The following DMD variants were observed in gnomAD, a reference collection of about 807,000 sequenced individuals.
DMD encodes mutant dystrophin.
A neutral mutation model predicts 330.1 loss-of-function variants in DMD; 63 were observed. That is an observed-to-expected ratio of 0.19 (90% CI 0.16 to 0.24). The LOEUF is 0.24. Among genes scored for constraint, DMD ranks in the 10% least tolerant of loss-of-function variants. The pLI is 1.00. For synonymous variants in DMD, 1,223 were observed against 959.8 expected (o/e 1.27, Z -5.07); for missense variants, 3,344 against 2,684.1 (o/e 1.25, Z -5.43).
intron 1 of DMD, among the ~76,000 whole-genome samples, chrX:33,109,716 C>T (rs2095324636): frequency 9.0e-6 from 1 of 111,678 alleles, no homozygotes; most frequent in Admixed American, 9.5e-5. Context: ...AAAAGATTTA[C>T]GGTTTTTTTT....
At chrX:32,007,132 A>G (rs1322048004) in intron 44 of DMD, among the ~76,000 whole-genome samples, 3 of 103,244 alleles carry the variant, frequency 2.9e-5, no homozygotes, top group Non-Finnish European at 3.9e-5. Flanking sequence ...TGATGAGCTA[A>G]TGGGTGCAGC....
Position 33,064,116 on chromosome X carries a change from C to T in DMD, c.32-43916G>A, listed in dbSNP as rs148980238. On this transcript the variant is annotated intron_variant, in intron 1 of 78. Transcript: ENST00000357033. ...TATATGCACATATATACTTCAAACTCATTTTGATAGGGCACAGTAGTGATT... is the reference window on the plus strand; with the variant it reads ...TATATGCACATATATACTTCAAACTTATTTTGATAGGGCACAGTAGTGATT... Among the ~76,000 whole-genome samples, 707 of 110,968 alleles carry T rather than the reference C, an allele frequency of 6.4e-3. 8 individuals are homozygous for T. Among genetic ancestry groups the T allele is most frequent in the African/African-American group, 0.022 (674 of 30,519 alleles).
chrX:32,298,514 C>CATATATATATATATATATATATAT (rs57786574), intron 42 of DMD, among the ~76,000 whole-genome samples: 19 of 104,495 alleles, frequency 1.8e-4, no homozygotes, highest in African/African-American at 7.3e-4. Context: ...ATATAAAAGG[C>CATATATATATATATATATATATAT]ATATATATAT....
rs1418429128 is a variant in DMD at position 32,452,395 on chromosome X, G to GAAAGGGA, written c.3603+2266_3603+2267insTCCCTTT. The stretch of plus-strand genomic sequence containing the variant: ...GGAAAGGGAAAGGGAAAGGGAAAGG[G>GAAAGGGA]AAGGGAAAGGAAAGGGAAAGGGAAA... On this transcript the variant is annotated intron_variant, in intron 26 of 78. Coordinates refer to ENST00000357033, the MANE Select transcript of DMD (RefSeq NM_004006.3). Among the ~76,000 whole-genome samples, 5 of 10,566 alleles carry GAAAGGGA rather than the reference G, an allele frequency of 4.7e-4. 1 individual carries two copies. Among genetic ancestry groups the GAAAGGGA allele is most frequent in the Non-Finnish European group, 9.2e-4 (5 of 5,460 alleles). The allele number at this position is 10,566 out of a possible 115,157, so 9.2% of individuals were successfully genotyped here.
chrX:32,133,791 T>C (rs1353054141), intron 44 of DMD, among the ~76,000 whole-genome samples: 1 of 111,370 alleles, frequency 9.0e-6, no homozygotes, highest in Non-Finnish European at 1.9e-5. Flanking sequence ...CAGCATCATC[T>C]TCTCACACTT....
chrX:31,763,826 T>A (rs890347156), intron 51 of DMD, among the ~76,000 whole-genome samples: 1 of 111,447 alleles, frequency 9.0e-6, no homozygotes, highest in African/African-American at 3.2e-5. Flanking sequence ...AGTTTCCAAA[T>A]GTTAAAATAA....
chrX:31,984,307 C>A (rs1406994064), intron 44 of DMD, among the ~76,000 whole-genome samples: 1 of 111,973 alleles, frequency 8.9e-6, no homozygotes, highest in Non-Finnish European at 1.9e-5. Flanking sequence ...AACAGCATCC[C>A]TAGATTAGAT....
rs549941705 is a variant in DMD at position 33,008,560 on chromosome X, T to C, written c.93+11579A>G. On this transcript the variant is annotated intron_variant, in intron 2 of 78. Transcript: ENST00000357033. ...TAGGTCAATTGGAAATGTTTTATTC[T>C]TAAGAAAAATATATAGTAGCCCATG... is the stretch of plus-strand genomic sequence containing the variant. Among the ~76,000 whole-genome samples the C allele has an allele frequency of 3.6e-5, 4 of 110,122 alleles. No individual in the cohort carries two copies. The South Asian group carries it at 1.5e-3, about 42-fold the overall frequency.
chrX:32,089,896 G>A (rs979841682), intron 44 of DMD, among the ~76,000 whole-genome samples: 13 of 111,473 alleles, frequency 1.2e-4, no homozygotes, highest in South Asian at 3.7e-4. Context: ...ACTAATTTAC[G>A]TTCCCACCAG....
chrX:32,819,357 G>A (rs910866844), intron 5 of DMD, among the ~76,000 whole-genome samples: 1 of 110,691 alleles, frequency 9.0e-6, no homozygotes, highest in Non-Finnish European at 1.9e-5. Flanking sequence ...CCCTTGAATT[G>A]TCCAGTAAAA....
At chrX:31,887,289 C>A (rs758286375) in intron 47 of DMD, among the ~76,000 whole-genome samples, 3 of 112,075 alleles carry the variant, frequency 2.7e-5, no homozygotes, top group South Asian at 7.3e-4. Flanking sequence ...GATGATAGAG[C>A]CCTATTTTCC....
intron 47 of DMD, among the ~76,000 whole-genome samples, chrX:31,915,986 G>T (rs1050070537): frequency 2.7e-5 from 3 of 111,853 alleles, no homozygotes; most frequent in African/African-American, 9.8e-5. Flanking sequence ...CTTGTGATTT[G>T]CTTTGGTTAA....
Position 31,210,255 on chromosome X carries a change from C to G in DMD, c.9362-556G>C, listed in dbSNP as rs373593101. Among the ~76,000 whole-genome samples the G allele has an allele frequency of 5.6e-4, 63 of 111,789 alleles. 2 individuals carry two copies. In the South Asian group the frequency reaches 0.023, roughly 40 times the overall value. ...CCTAATATTAGGTGAAAAAAATACTCTCCACTAAAATTTTCTATAGGCAAA... is the reference window on the plus strand; with the variant it reads ...CCTAATATTAGGTGAAAAAAATACTGTCCACTAAAATTTTCTATAGGCAAA... On this transcript the variant is annotated intron_variant, in intron 64 of 78. Coordinates refer to ENST00000357033, the MANE Select transcript of DMD (RefSeq NM_004006.3).
chrX:32,394,862 A>C (rs1475285483), intron 30 of DMD, among the ~76,000 whole-genome samples: 2 of 104,755 alleles, frequency 1.9e-5, no homozygotes, highest in Non-Finnish European at 3.9e-5. Context: ...GTATACACAT[A>C]GTCCTTTAAC....
At chrX:32,388,950 T>C (rs775775808) in intron 32 of DMD, among the ~76,000 whole-genome samples, 8 of 111,183 alleles carry the variant, frequency 7.2e-5, no homozygotes, top group Non-Finnish European at 1.5e-4. Flanking sequence ...TCCATGCCTT[T>C]TAATTCGGTG....
At chrX:32,397,649 G>T (rs187677204) in intron 30 of DMD, among the ~76,000 whole-genome samples, 2 of 111,424 alleles carry the variant, frequency 1.8e-5, no homozygotes, top group African/African-American at 6.5e-5. Flanking sequence ...CATTGAATAT[G>T]GTAAAGGGCA....
At chrX:32,632,730 T>C (rs867559262) in intron 11 of DMD, among the ~76,000 whole-genome samples, 2 of 37,498 alleles carry the variant, frequency 5.3e-5, no homozygotes, top group Non-Finnish European at 1.0e-4. Context: ...GGACGCTGGG[T>C]GCGGGGGGGA....
In DMD at chrX:31,295,497, T is replaced by TC. The variant is rs752233039; in HGVS notation, c.9224+28100dup. ...GGCATGATCTTGGCTCACTGCAACCTCCACCTCCCAAGTCCAAGCGATTCT... is the reference window on the plus strand; with the variant it reads ...GGCATGATCTTGGCTCACTGCAACCTCCCACCTCCCAAGTCCAAGCGATTCT... On this transcript the variant is annotated intron_variant, in intron 62 of 78. Transcript: ENST00000357033. 6.3e-5 allele frequency among the ~76,000 whole-genome samples: 7 copies of TC among 110,603 alleles called. 1 individual carries two copies. In the East Asian group the frequency reaches 2.0e-3, roughly 32 times the overall value.
intron 9 of DMD, among the ~76,000 whole-genome samples, chrX:32,663,199 C>T (rs2061063324): frequency 9.0e-6 from 1 of 111,418 alleles, no homozygotes; most frequent in African/African-American, 3.3e-5. Flanking sequence ...GGATATCTAT[C>T]CTTGCCTTGA....
Sources: gnomAD v4.1 joint callset for allele counts (sites outside exome capture counted in the v4.1 genomes callset) on GRCh38, gnomAD v4.1.1 for gene constraint, MANE v1.5 for transcripts, NCBI Gene and HGNC (gene_info 2026-07-23, HGNC 2026-07-21) for gene names.